Variants in CPNE4 observed in about 807,000 individuals in gnomAD.
The protein encoded by CPNE4 is copine-4.
A neutral mutation model predicts 67.9 loss-of-function variants in CPNE4; 25 were observed. That is an observed-to-expected ratio of 0.37 (90% CI 0.27 to 0.51). The LOEUF is 0.51. CPNE4 is among the 20% of genes least tolerant of loss of function. The probability of loss-of-function intolerance (pLI) is 0.93; values close to 1 mark genes in which losing one functional copy is unlikely to be tolerated. For missense variants in CPNE4, 464 were observed against 690.8 expected, an observed-to-expected ratio of 0.67 and a Z score of 3.68; for synonymous variants, 242 against 244.9, an observed-to-expected ratio of 0.99 and a Z score of 0.11.
chr3:131,927,715 A>G (rs897622774), intron 1 of CPNE4, among the ~76,000 whole-genome samples: 9 of 152,104 alleles, frequency 5.9e-5, no homozygotes, highest in African/African-American at 2.2e-4. Flanking sequence ...AGGACAGTTT[A>G]TCCTCTGTTC....
At chr3:131,550,927 C>A (rs545519549) in intron 13 of CPNE4, among the ~76,000 whole-genome samples, 22 of 152,240 alleles carry the variant, frequency 1.4e-4, no homozygotes, top group African/African-American at 5.1e-4. Context: ...TACATCTTGA[C>A]TGTACATTTC....
chr3:131,852,216 A>C (rs1320462540), intron 2 of CPNE4, among the ~76,000 whole-genome samples: 1 of 152,084 alleles, frequency 6.6e-6, no homozygotes, highest in Non-Finnish European at 1.5e-5. Flanking sequence ...ATTTCCTACC[A>C]GGAAATAAAT....
At chr3:131,912,281 A>T (rs1048741867) in intron 1 of CPNE4, among the ~76,000 whole-genome samples, 5 of 152,304 alleles carry the variant, frequency 3.3e-5, no homozygotes, top group Non-Finnish European at 7.4e-5. Flanking sequence ...TAGTTTCTGA[A>T]TGAGTTGCAA....
chr3:131,939,887 G>A (rs756822219), intron 1 of CPNE4, among the ~76,000 whole-genome samples: 4 of 152,092 alleles, frequency 2.6e-5, no homozygotes, highest in Non-Finnish European at 5.9e-5. Context: ...TCCTAAGCAC[G>A]TTCAGGTAGG....
intron 2 of CPNE4, among the ~76,000 whole-genome samples, chr3:131,899,830 G>C (rs923176776): frequency 6.6e-6 from 1 of 152,026 alleles, no homozygotes. Context: ...TTGTTATTTT[G>C]AGTTTTATCC....
chr3:131,632,060 C>T (rs2079239445), intron 7 of CPNE4, among the ~76,000 whole-genome samples: 1 of 150,976 alleles, frequency 6.6e-6, no homozygotes, highest in South Asian at 2.1e-4. Flanking sequence ...GCCAAGATTG[C>T]ACCACTGCGC....
chr3:131,815,450 G>C (rs1239506874), intron 2 of CPNE4, among the ~76,000 whole-genome samples: 1 of 152,216 alleles, frequency 6.6e-6, no homozygotes, highest in African/African-American at 2.4e-5. Flanking sequence ...TCTAGCGTGA[G>C]GGAGCAGGAT....
chr3:131,997,177 A>G (rs2073315715), intron 1 of CPNE4, among the ~76,000 whole-genome samples: 2 of 152,140 alleles, frequency 1.3e-5, no homozygotes, highest in Admixed American at 6.6e-5. Context: ...TTCCCAGGAT[A>G]TTAAAAGTCT....
intron 2 of CPNE4, among the ~76,000 whole-genome samples, chr3:131,767,140 A>G (rs538310286): frequency 6.6e-6 from 1 of 152,216 alleles, no homozygotes; most frequent in South Asian, 2.1e-4. Context: ...GTGTGCAAGG[A>G]AGGGAAAAAG....
intron 2 of CPNE4, among the ~76,000 whole-genome samples, chr3:131,764,241 A>G (rs545820745): frequency 7.3e-5 from 11 of 151,636 alleles, no homozygotes; most frequent in African/African-American, 2.4e-4. Flanking sequence ...AAAGCAGGTT[A>G]TAAAATAGGA....
intron 2 of CPNE4, among the ~76,000 whole-genome samples, chr3:131,771,046 T>G (rs546721226): frequency 1.3e-5 from 2 of 152,290 alleles, no homozygotes; most frequent in Non-Finnish European, 2.9e-5. Context: ...GATTATAGTT[T>G]CATATTTATA....
At chr3:131,601,403 CAAAT>C (rs1275266329) in intron 7 of CPNE4, among the ~76,000 whole-genome samples, 1 of 151,960 alleles carries the variant, frequency 6.6e-6, no homozygotes, top group East Asian at 1.9e-4. Context: ...GATGGACGTG[CAAAT>C]AAATAATAGT....
rs534150922 is a variant in CPNE4, at chr3:131,695,022, A to G, written c.507+1520T>C. 1.5e-4 allele frequency among the ~76,000 whole-genome samples: 23 copies of G among 152,348 alleles called. No individual in the cohort carries two copies. The South Asian group carries it at 4.8e-3, about 32-fold the overall frequency. On this transcript the variant is annotated intron_variant, in intron 5 of 15. Coordinates refer to ENST00000429747, the MANE Select transcript of CPNE4 (RefSeq NM_130808.3). ...GTGTTGTGTCTTTGGGTAAATCATC[A>G]TACCTTGCTGAGCCCTCATTTCCTG...
intron 2 of CPNE4, among the ~76,000 whole-genome samples, chr3:131,864,885 A>G (rs961033453): frequency 3.3e-5 from 5 of 152,150 alleles, no homozygotes; most frequent in Admixed American, 1.3e-4. Context: ...CGTCCCATCA[A>G]TACCTAATTT....
chr3:131,795,013 G>C (rs1469009267), intron 2 of CPNE4, among the ~76,000 whole-genome samples: 2 of 152,194 alleles, frequency 1.3e-5, no homozygotes, highest in African/African-American at 4.8e-5. Context: ...AGCCATGGCA[G>C]TACTACTATT....
At chr3:131,582,024 C>G (rs528795654) in intron 8 of CPNE4, among the ~76,000 whole-genome samples, 7 of 152,174 alleles carry the variant, frequency 4.6e-5, no homozygotes, top group African/African-American at 1.7e-4. Context: ...TAGAACAGGG[C>G]CTGGCACATG....
chr3:132,006,784 G>T (rs2073619241), intron 1 of CPNE4, among the ~76,000 whole-genome samples: 1 of 152,060 alleles, frequency 6.6e-6, no homozygotes, highest in South Asian at 2.1e-4. Flanking sequence ...GGCATGACGT[G>T]CCCAGACCGC....
chr3:132,005,334 TATATATATACACACACACAC>T lies in CPNE4; in HGVS notation c.-2+29213_-2+29232del, dbSNP rs1246986462. On this transcript the variant is annotated intron_variant, in intron 1 of 15. Transcript: ENST00000429747. ...TTTTACATATATATATATATATATA[TATATATATACACACACACAC>T]ACACACACACACACACACATATATG... is the stretch of plus-strand genomic sequence containing the variant. 2.8e-4 allele frequency among the ~76,000 whole-genome samples: 13 copies of T among 46,482 alleles called. 1 individual carries two copies. The highest frequency in any genetic ancestry group is 1.2e-3 in the African/African-American group (11 of 8,954). The allele number at this position is 46,482 out of a possible 152,430, so 30.5% of individuals were successfully genotyped here.
At chr3:131,952,119 A>C (rs1421625015) in intron 1 of CPNE4, among the ~76,000 whole-genome samples, 1 of 144,268 alleles carries the variant, frequency 6.9e-6, no homozygotes, top group African/African-American at 2.6e-5. Context: ...GGAAGTGAGG[A>C]GTGCCTCTTC....
Sources: gnomAD v4.1 joint callset for allele counts (sites outside exome capture counted in the v4.1 genomes callset) on GRCh38, gnomAD v4.1.1 for gene constraint, MANE v1.5 for transcripts, NCBI Gene and HGNC (gene_info 2026-07-23, HGNC 2026-07-21) for gene names.